Variants in LRRC74A observed in about 807,000 individuals in gnomAD.
LRRC74A encodes the protein leucine rich repeat containing 74A.
In LRRC74A, 44 loss-of-function variants were observed where a neutral mutation model predicts 57.9. The ratio of observed to expected loss-of-function variants is 0.76; its 90% CI spans 0.60 to 0.98. LRRC74A has a LOEUF of 0.98. Ranked by LOEUF, LRRC74A falls within the 50% of genes least tolerant of loss-of-function variation. The pLI, the probability that LRRC74A is intolerant of heterozygous loss-of-function variation, is 0.00. For missense variants in LRRC74A, 572 were observed against 574.0 expected (o/e 1.00, Z 0.04); for synonymous variants, 211 against 219.4 (o/e 0.96, Z 0.34).
rs193060849 is a variant in LRRC74A, at chr14:76,828,421, C to T, written c.217+2C>T. 7.9e-5 allele frequency: 127 copies of T among 1,613,898 alleles called. 1 individual carries two copies. The highest frequency in any genetic ancestry group is 6.4e-4 in the African/African-American group (48 of 75,020). Reference sequence around the variant, plus strand: ...CGGAAACAGACCTGGAGATTGAAGGCGAGCATGGGCATTTGGGGGCAGTCA... The same window carrying T: ...CGGAAACAGACCTGGAGATTGAAGGTGAGCATGGGCATTTGGGGGCAGTCA... On this transcript the variant is annotated splice_donor_variant and NMD_transcript_variant, in intron 2 of 12. Coordinates refer to the LRRC74A transcript ENST00000216450.
At chr14:76,843,282 C>T (rs1462316925) in intron 5 of LRRC74A, among the ~76,000 whole-genome samples, 8 of 126,848 alleles carry the variant, frequency 6.3e-5, no homozygotes, top group East Asian at 2.1e-4. Context: ...AGCGAGACTC[C>T]GTCTCAAAAA....
chr14:76,870,225 G>C lies in LRRC74A; in HGVS notation c.*76G>C. 6.7e-7 allele frequency: 1 copy of C among 1,482,602 alleles called. No individual in the cohort carries two copies. The highest frequency in any genetic ancestry group is 9.3e-7 in the Non-Finnish European group (1 of 1,078,726). 91.8% of individuals were successfully genotyped at this position (1,482,602 alleles called of 1,614,324 possible). The stretch of plus-strand genomic sequence containing the variant: ...CGGATGGTGGCAGGGAGGAGAGCAA[G>C]AGGTGGCTGAAATCTCGATGGACAG... On this transcript the variant is annotated 3_prime_UTR_variant, in exon 14 of 14. Coordinates refer to ENST00000689127, the MANE Select transcript of LRRC74A (RefSeq NM_001385106.1).
intron 5 of LRRC74A, among the ~76,000 whole-genome samples, chr14:76,843,287 CAA>C (rs59087508): frequency 1.8e-4 from 24 of 130,516 alleles, no homozygotes; most frequent in African/African-American, 6.5e-4. Context: ...GACTCCGTCT[CAA>C]AAAAAAAAAA....
chr14:76,853,160 G>T (rs1005675634), intron 8 of LRRC74A, 56 bp from the exon 9 acceptor site: 21 of 1,513,200 alleles, frequency 1.4e-5, no homozygotes, highest in Middle Eastern at 1.7e-4. Flanking sequence ...GACCCTTTTG[G>T]TTGGATGAGT....
chr14:76,829,790 T>C (rs913851875), intron 2 of LRRC74A, among the ~76,000 whole-genome samples: 1 of 152,146 alleles, frequency 6.6e-6, no homozygotes, highest in Non-Finnish European at 1.5e-5. Context: ...CTCCTGGTGC[T>C]CCTGCTGTGG....
At chr14:76,862,822 G>T (rs926258022) in intron 11 of LRRC74A, among the ~76,000 whole-genome samples, 2 of 152,154 alleles carry the variant, frequency 1.3e-5, no homozygotes, top group African/African-American at 4.8e-5. Flanking sequence ...GTTCATAGAG[G>T]AGCCCAAGAG....
chr14:76,852,304 A>C, intron 7 of LRRC74A, 61 bp from the exon 8 acceptor site: 3 of 1,334,464 alleles, frequency 2.2e-6, no homozygotes, highest in Non-Finnish European at 3.2e-6. Context: ...ACATCTGTTA[A>C]CTCTGAGAAT....
intron 5 of LRRC74A, among the ~76,000 whole-genome samples, chr14:76,842,384 T>C (rs1408154898): frequency 1.3e-5 from 2 of 152,254 alleles, no homozygotes; most frequent in East Asian, 1.9e-4. Flanking sequence ...TGTGTTAACA[T>C]AGTACAGAAA....
rs1595349967 is a variant in LRRC74A at position 76,836,170 on chromosome 14, T to C, written c.340-37T>C. Reference sequence around the variant, plus strand: ...GGGAACTGACTGGGTCACCAACCACTTCTGTGTCTCTCTCCCTCCCCTTGT... The same window carrying C: ...GGGAACTGACTGGGTCACCAACCACCTCTGTGTCTCTCTCCCTCCCCTTGT... On this transcript the variant is annotated intron_variant, in intron 3 of 13. Transcript: ENST00000689127. 2.6e-6 allele frequency: 4 copies of C among 1,512,330 alleles called. No individual in the cohort carries two copies. In the South Asian group the frequency reaches 3.5e-5, roughly 13 times the overall value. The allele number at this position is 1,512,330 out of a possible 1,614,324, so 93.7% of individuals were successfully genotyped here.
At chr14:76,844,302 C>G (rs1896972855) in intron 5 of LRRC74A, 121 bp from the exon 6 acceptor site, 1 of 913,914 alleles carries the variant, frequency 1.1e-6, no homozygotes, top group African/African-American at 1.6e-5. Flanking sequence ...TGCGTCTGGC[C>G]CCTACCACCT....
chr14:76,833,232 C>A (rs924270599), intron 3 of LRRC74A, among the ~76,000 whole-genome samples: 10 of 152,048 alleles, frequency 6.6e-5, no homozygotes, highest in Admixed American at 3.3e-4. Context: ...ATGAGGAAGG[C>A]AATTCTGTGC....
At chr14:76,857,506 T>C (rs774191441) in intron 10 of LRRC74A, 31 bp downstream of exon 10, 2 of 1,473,230 alleles carry the variant, frequency 1.4e-6, no homozygotes, top group African/African-American at 2.8e-5. Flanking sequence ...TGCTTGCGTC[T>C]GGGCACAAGC....
chr14:76,828,986 T>C, intron 2 of LRRC74A: 1 of 1,287,018 alleles, frequency 7.8e-7, no homozygotes, highest in Non-Finnish European at 1.0e-6. Flanking sequence ...TGGTTTCCCC[T>C]ACTTTTCTTG....
chr14:76,837,733 C>T (rs1896458358), intron 4 of LRRC74A, 142 bp from the exon 5 acceptor site: 2 of 450,124 alleles, frequency 4.4e-6, no homozygotes, highest in East Asian at 6.9e-5. Context: ...GTCCTTGGCA[C>T]CTCCCTAATC....
intron 11 of LRRC74A, among the ~76,000 whole-genome samples, chr14:76,864,421 G>C (rs867169806): frequency 1.1e-4 from 11 of 96,868 alleles, no homozygotes; most frequent in East Asian, 3.3e-4. Context: ...GGGGGGGGGG[G>C]GGTGGCGGGG....
chr14:76,853,465 G>T, intron 9 of LRRC74A, 55 bp downstream of exon 9: 1 of 1,442,472 alleles, frequency 6.9e-7, no homozygotes, highest in African/African-American at 1.4e-5. Context: ...GTGTGTGTTT[G>T]TGTATGTGTT....
At chr14:76,848,595 A>G (rs1220802201) in intron 7 of LRRC74A, among the ~76,000 whole-genome samples, 1 of 152,198 alleles carries the variant, frequency 6.6e-6, no homozygotes, top group Non-Finnish European at 1.5e-5. Flanking sequence ...AATAGGATGC[A>G]AAGCAAAAAG....
In LRRC74A at chr14:76,843,945, C is replaced by T. The variant is rs76375476; in HGVS notation, c.545-478C>T. ...CGAACTCCTGACCTCAGGTGATCCA[C>T]TCGCCTTGGCCTGTAAAAGTTCTGG... On this transcript the variant is annotated intron_variant, in intron 5 of 13. Transcript: ENST00000689127. 9.9e-4 allele frequency among the ~76,000 whole-genome samples: 151 copies of T among 152,132 alleles called. 5 individuals carry two copies. The East Asian group carries it at 0.023, about 23-fold the overall frequency.
intron 13 of LRRC74A, 148 bp downstream of exon 13, chr14:76,867,586 G>T: frequency 1.7e-6 from 1 of 573,846 alleles, no homozygotes; most frequent in South Asian, 2.0e-5. Context: ...GGGCCCCACT[G>T]TCTACCCCCC....
Sources: gnomAD v4.1 joint callset for allele counts (sites outside exome capture counted in the v4.1 genomes callset) on GRCh38, gnomAD v4.1.1 for gene constraint, MANE v1.5 for transcripts, NCBI Gene and HGNC (gene_info 2026-07-23, HGNC 2026-07-21) for gene names.